Variants in MAP3K7CL observed in about 807,000 individuals in gnomAD.
MAP3K7CL encodes the protein MAP3K7 C-terminal-like protein.
Under a neutral mutation model 18.6 loss-of-function variants are expected in MAP3K7CL, and 16 were observed. The observed-to-expected ratio is 0.86, with a 90% CI of 0.58 to 1.31. The LOEUF (loss-of-function observed/expected upper bound fraction) is 1.31, where lower values mean the gene tolerates loss of function less well. Among genes scored for constraint, MAP3K7CL ranks in the 50% most tolerant of loss-of-function variants. MAP3K7CL has a pLI of 0.00. For missense variants in MAP3K7CL, 163 were observed against 174.4 expected (o/e 0.93, Z 0.37); for synonymous variants, 65 against 66.8 (o/e 0.97, Z 0.13).
intron 1 of MAP3K7CL, among the ~76,000 whole-genome samples, chr21:29,091,078 A>C (rs1296213690): frequency 3.3e-5 from 5 of 152,088 alleles, no homozygotes; most frequent in African/African-American, 1.2e-4. Flanking sequence ...CATTTACAGC[A>C]CCTCTCCTCT....
chr21:29,080,106 T>TGAGCC (rs1394308302), intron 1 of MAP3K7CL, among the ~76,000 whole-genome samples: 1 of 152,196 alleles, frequency 6.6e-6, no homozygotes, highest in Non-Finnish European at 1.5e-5. Context: ...AAGGTTCTCT[T>TGAGCC]GAGCCTTTAT....
At chr21:29,105,004 C>G (rs1275084727) in intron 4 of MAP3K7CL, among the ~76,000 whole-genome samples, 1 of 152,168 alleles carries the variant, frequency 6.6e-6, no homozygotes, top group African/African-American at 2.4e-5. Context: ...TGGAGATAAG[C>G]CACGGGTAAG....
chr21:29,124,806 AC>A (rs1168970463), intron 4 of MAP3K7CL, among the ~76,000 whole-genome samples: 1 of 152,234 alleles, frequency 6.6e-6, no homozygotes, highest in Non-Finnish European at 1.5e-5. Flanking sequence ...ACATTTACTT[AC>A]TGTTTTTGTA....
chr21:29,078,494 G>T (rs1268108851), intron 1 of MAP3K7CL, among the ~76,000 whole-genome samples: 2 of 152,110 alleles, frequency 1.3e-5, no homozygotes, highest in African/African-American at 2.4e-5. Flanking sequence ...CGTGGCTTAG[G>T]GTGAAAGCAC....
intron 3 of MAP3K7CL, 86 bp from the exon 4 acceptor site, chr21:29,159,855 C>T (rs2087500432): frequency 9.3e-6 from 9 of 967,648 alleles, no homozygotes; most frequent in South Asian, 6.0e-5. Flanking sequence ...AAAAAACCTT[C>T]GTTTAAAGAA....
chr21:29,102,471 CTCTCTCTTT>C (rs1209752369), intron 4 of MAP3K7CL: 3 of 107,334 alleles, frequency 2.8e-5, no homozygotes, highest in African/African-American at 1.0e-4. Flanking sequence ...CTCTCTCTCT[CTCTCTCTTT>C]TTTTTTTTTT....
intron 3 of MAP3K7CL, among the ~76,000 whole-genome samples, chr21:29,150,736 G>T (rs566586134): frequency 9.6e-5 from 14 of 145,490 alleles, no homozygotes; most frequent in African/African-American, 3.3e-4. Flanking sequence ...CTTCTTTTCA[G>T]CATGAAGAAC....
At chr21:29,150,866 T>C (rs2087255409) in intron 3 of MAP3K7CL, among the ~76,000 whole-genome samples, 1 of 150,098 alleles carries the variant, frequency 6.7e-6, no homozygotes, top group Non-Finnish European at 1.5e-5. Flanking sequence ...ACCTCCTGGG[T>C]TCAAGCGATT....
chr21:29,113,552 C>T (rs113640957), intron 4 of MAP3K7CL, among the ~76,000 whole-genome samples: 58 of 152,116 alleles, frequency 3.8e-4, no homozygotes, highest in African/African-American at 1.4e-3. Flanking sequence ...CTCCTGGGCT[C>T]AAGCAATTCT....
At position 29,088,299 on chromosome 21, in the gene MAP3K7CL, C is replaced by T. The variant is rs192378289; in HGVS notation, c.57+2382C>T. Among the ~76,000 whole-genome samples the T allele has an allele frequency of 5.7e-4, 86 of 152,200 alleles. 1 individual carries two copies. Among genetic ancestry groups the T allele is most frequent in the African/African-American group, 1.9e-3 (80 of 41,538 alleles). On this transcript the variant is annotated intron_variant, in intron 1 of 6. Coordinates refer to the MAP3K7CL transcript ENST00000286791. The stretch of plus-strand genomic sequence containing the variant: ...GTTTAAATGTAACCATAAGAAAAAG[C>T]AAATAATAAATGCTATCACCTTTTG...
chr21:29,120,222 A>G (rs562170991), intron 4 of MAP3K7CL, among the ~76,000 whole-genome samples: 39 of 149,628 alleles, frequency 2.6e-4, no homozygotes, highest in African/African-American at 9.6e-4. Context: ...ATCTATTGGT[A>G]TCTTTGTGTC....
At chr21:29,144,470 A>G (rs1293487318) in intron 2 of MAP3K7CL, among the ~76,000 whole-genome samples, 1 of 152,156 alleles carries the variant, frequency 6.6e-6, no homozygotes, top group Non-Finnish European at 1.5e-5. Context: ...CAGCCAGAAT[A>G]TTTTAGGGAA....
chr21:29,109,054 C>T, intron 4 of MAP3K7CL: 2 of 1,533,430 alleles, frequency 1.3e-6, no homozygotes. Context: ...ACATTCGTAA[C>T]CTTCCTGGAT....
At chr21:29,081,526 C>T (rs1311584463), upstream of MAP3K7CL, among the ~76,000 whole-genome samples, 1 of 152,208 alleles carries the variant, frequency 6.6e-6, no homozygotes, top group African/African-American at 2.4e-5. Flanking sequence ...GCGCTCCAGC[C>T]CAGGTGACAG....
At chr21:29,103,745 A>G (rs2086273505) in intron 4 of MAP3K7CL, among the ~76,000 whole-genome samples, 1 of 149,882 alleles carries the variant, frequency 6.7e-6, no homozygotes, top group Non-Finnish European at 1.5e-5. Flanking sequence ...AAAAAAAAAA[A>G]AAATTAGCCA....
chr21:29,086,003 G>C, intron 1 of MAP3K7CL: 1 of 1,453,396 alleles, frequency 6.9e-7, no homozygotes, highest in Non-Finnish European at 9.7e-7. Context: ...AAAAATGTAG[G>C]AAAGAAGCAG....
At chr21:29,098,993 G>T (rs2086172553) in intron 4 of MAP3K7CL, among the ~76,000 whole-genome samples, 1 of 152,156 alleles carries the variant, frequency 6.6e-6, no homozygotes, top group Non-Finnish European at 1.5e-5. Flanking sequence ...ATATGGAAAG[G>T]GTCTCCTCCC....
intron 4 of MAP3K7CL, among the ~76,000 whole-genome samples, chr21:29,106,471 A>C (rs1334496595): frequency 1.3e-5 from 2 of 152,200 alleles, no homozygotes; most frequent in Admixed American, 1.3e-4. Flanking sequence ...CTACTTCTTT[A>C]GGAAGATAGA....
At chr21:29,080,231 C>G (rs887150620) in intron 1 of MAP3K7CL, among the ~76,000 whole-genome samples, 6 of 152,226 alleles carry the variant, frequency 3.9e-5, no homozygotes, top group African/African-American at 1.4e-4. Flanking sequence ...ATGGGGTCTT[C>G]TACTGCAAGG....
Sources: allele counts gnomAD v4.1 joint callset (sites outside exome capture counted in the v4.1 genomes callset), GRCh38; gene constraint gnomAD v4.1.1; transcripts MANE v1.5; gene names NCBI Gene and HGNC (gene_info 2026-07-23, HGNC 2026-07-21).